The following TMEM135 variants were observed in gnomAD, a reference collection of about 807,000 sequenced individuals.
The protein encoded by TMEM135 is transmembrane protein 135, also known as peroxisomal membrane protein 52.
A neutral mutation model predicts 60.3 loss-of-function variants in TMEM135; 30 were observed. The observed-to-expected ratio is 0.50, with a 90% CI of 0.37 to 0.68. TMEM135 has a LOEUF of 0.68. Among genes scored for constraint, TMEM135 ranks in the 30% least tolerant of loss-of-function variants. TMEM135 has a pLI of 0.00. For synonymous variants in TMEM135, 190 were observed against 186.7 expected (o/e 1.02, Z -0.14); for missense variants, 468 against 548.8 (o/e 0.85, Z 1.47).
intron 5 of TMEM135, among the ~76,000 whole-genome samples, chr11:87,182,728 C>G (rs1024034997): frequency 2.0e-5 from 3 of 151,766 alleles, no homozygotes; most frequent in African/African-American, 7.3e-5. Flanking sequence ...TAACTGTTTT[C>G]TAGACACAGG....
chr11:87,309,616 A>G lies in TMEM135; in HGVS notation c.880A>G (p.Asn294Asp), dbSNP rs768976861. 2 of 1,613,772 alleles carry G rather than the reference A, an allele frequency of 1.2e-6. No individual in the cohort carries two copies. Among genetic ancestry groups the G allele is most frequent in the Admixed American group, 1.7e-5 (1 of 59,996 alleles). ...QPSRLLSLFY[N>D]KENFQLGAFL... is the part of the protein sequence containing the mutation. ...ATCTCGGCTACTTTCTCTCTTCTACAATAAAGAAAACTTCCAGCTTGGAGC... is the reference window on the plus strand; with the variant it reads ...ATCTCGGCTACTTTCTCTCTTCTACGATAAAGAAAACTTCCAGCTTGGAGC... Residue 294 changes from asparagine to aspartate, a missense_variant, in exon 10 of 15, where the codon AAT becomes GAT. By Grantham distance (23) the Asn-to-Asp change is conservative (BLOSUM62 1). Coordinates refer to ENST00000305494, the MANE Select transcript of TMEM135 (RefSeq NM_022918.4).
intron 4 of TMEM135, among the ~76,000 whole-genome samples, chr11:87,094,393 G>A (rs184386353): frequency 1.3e-5 from 2 of 152,214 alleles, no homozygotes; most frequent in East Asian, 3.9e-4. Context: ...TTCTCATTTT[G>A]TTATAATTTT....
intron 4 of TMEM135, among the ~76,000 whole-genome samples, chr11:87,129,198 GT>G (rs1937828626): frequency 8.5e-6 from 1 of 117,032 alleles, no homozygotes; most frequent in Admixed American, 8.1e-5. Flanking sequence ...TTCTATACAT[GT>G]TCCTTATTCC....
chr11:87,170,916 C>A (rs1939218949), intron 5 of TMEM135, among the ~76,000 whole-genome samples: 1 of 152,138 alleles, frequency 6.6e-6, no homozygotes, highest in Non-Finnish European at 1.5e-5. Context: ...GGTTTTCTGT[C>A]CCAGGCAGAT....
intron 4 of TMEM135, among the ~76,000 whole-genome samples, chr11:87,103,809 T>C (rs892108534): frequency 6.6e-6 from 1 of 152,040 alleles, no homozygotes; most frequent in Non-Finnish European, 1.5e-5. Flanking sequence ...CGCATGTCAC[T>C]ATGCCCGGCT....
chr11:87,261,398 CTT>C (rs1941649197), intron 6 of TMEM135, among the ~76,000 whole-genome samples: 1 of 152,066 alleles, frequency 6.6e-6, no homozygotes, highest in Non-Finnish European at 1.5e-5. Flanking sequence ...AAAATAGAGA[CTT>C]TTCTTATCCA....
At chr11:87,178,689 T>C in intron 5 of TMEM135, 1 of 358,106 alleles carries the variant, frequency 2.8e-6, no homozygotes, top group Non-Finnish European at 5.5e-6. Context: ...GCCTCCCAAA[T>C]TGCTGGGATT....
At chr11:87,212,039 T>C (rs1192124266) in intron 5 of TMEM135, among the ~76,000 whole-genome samples, 1 of 152,204 alleles carries the variant, frequency 6.6e-6, no homozygotes, top group Non-Finnish European at 1.5e-5. Flanking sequence ...AAAACAAGTG[T>C]AATAATAACT....
Position 87,314,552 on chromosome 11 carries a change from G to C in TMEM135, c.1077+5G>C. ...TTAGCGTCCAAATTGGTAGAGGTAA[G>C]CGAAATTTTTGTGCAAGAATAGTTC... On this transcript the variant is annotated splice_donor_5th_base_variant and intron_variant, in intron 12 of 14. Transcript: ENST00000305494. 1 of 1,609,880 alleles carries C rather than the reference G, an allele frequency of 6.2e-7. No individual in the cohort carries two copies. Among genetic ancestry groups the C allele is most frequent in the Non-Finnish European group, 8.5e-7 (1 of 1,177,104 alleles).
chr11:87,297,410 C>T (rs1454285087), intron 7 of TMEM135, among the ~76,000 whole-genome samples: 2 of 152,128 alleles, frequency 1.3e-5, no homozygotes, highest in Non-Finnish European at 2.9e-5. Flanking sequence ...TAATACACAA[C>T]ACTAATTACT....
At chr11:87,172,422 G>T (rs1206999240) in intron 5 of TMEM135, among the ~76,000 whole-genome samples, 1 of 145,474 alleles carries the variant, frequency 6.9e-6, no homozygotes, top group Non-Finnish European at 1.5e-5. Flanking sequence ...AGAAAAGTAG[G>T]TTTTTTTTTT....
intron 11 of TMEM135, 107 bp downstream of exon 11, chr11:87,313,595 A>G: frequency 1.0e-6 from 1 of 992,756 alleles, no homozygotes; most frequent in Non-Finnish European, 1.6e-6. Context: ...TCCTTTCTCT[A>G]TCGTAATAGA....
chr11:87,135,937 G>A (rs529345534), intron 4 of TMEM135, among the ~76,000 whole-genome samples: 2 of 151,894 alleles, frequency 1.3e-5, no homozygotes, highest in Non-Finnish European at 2.9e-5. Flanking sequence ...ACTTTTCAGT[G>A]TACAGGTCTT....
At chr11:87,065,904 A>G (rs889483185) in intron 1 of TMEM135, among the ~76,000 whole-genome samples, 3 of 152,202 alleles carry the variant, frequency 2.0e-5, no homozygotes, top group African/African-American at 7.2e-5. Flanking sequence ...CATTTACCAC[A>G]CTGGCATATT....
chr11:87,269,027 G>A (rs1234782429), intron 6 of TMEM135, among the ~76,000 whole-genome samples: 4 of 149,436 alleles, frequency 2.7e-5, no homozygotes, highest in African/African-American at 9.8e-5. Flanking sequence ...TGTAGAGGTA[G>A]GATTATAGAT....
At chr11:87,240,401 T>C (rs1941103670) in intron 6 of TMEM135, among the ~76,000 whole-genome samples, 1 of 151,998 alleles carries the variant, frequency 6.6e-6, no homozygotes, top group African/African-American at 2.4e-5. Context: ...TTAAAAACTT[T>C]TTAGAAAATT....
chr11:87,082,925 A>G (rs1172621217), intron 3 of TMEM135, among the ~76,000 whole-genome samples: 1 of 152,206 alleles, frequency 6.6e-6, no homozygotes, highest in Non-Finnish European at 1.5e-5. Flanking sequence ...CAGTTTTTCA[A>G]AAAGTATTTA....
At position 87,166,775 on chromosome 11, in the gene TMEM135, C is replaced by T. The variant is rs550542177; in HGVS notation, c.462+9369C>T. 1.2e-3 allele frequency among the ~76,000 whole-genome samples: 178 copies of T among 151,628 alleles called. 1 individual carries two copies. Among genetic ancestry groups the T allele is most frequent in the Non-Finnish European group, 1.7e-3 (116 of 67,990 alleles). ...TTTTGTTCTTTTTGCTTAGGATTGT[C>T]TTGGCTATATGGGCTATTTTTTGGT... On this transcript the variant is annotated intron_variant, in intron 5 of 14. Transcript: ENST00000305494.
intron 3 of TMEM135, among the ~76,000 whole-genome samples, chr11:87,079,988 C>A (rs537223324): frequency 1.3e-5 from 2 of 150,940 alleles, no homozygotes; most frequent in South Asian, 2.1e-4. Context: ...ACTACAGGTG[C>A]GTGCCACCTC....
Sources: allele counts gnomAD v4.1 joint callset (sites outside exome capture counted in the v4.1 genomes callset), GRCh38; gene constraint gnomAD v4.1.1; transcripts MANE v1.5; gene names NCBI Gene and HGNC (gene_info 2026-07-23, HGNC 2026-07-21).